Variants in MET observed in about 807,000 individuals in gnomAD.
MET encodes the protein MET proto-oncogene, receptor tyrosine kinase, also known as hepatocyte growth factor receptor.
In MET, 48 loss-of-function variants were observed where a neutral mutation model predicts 133.1. That is an observed-to-expected ratio of 0.36 (90% CI 0.29 to 0.46). The LOEUF (loss-of-function observed/expected upper bound fraction) is 0.46. Among genes scored for constraint, MET ranks in the 20% least tolerant of loss-of-function variants. The pLI is 1.00. For missense variants in MET, 1,442 were observed against 1,695.9 expected (o/e 0.85, Z 2.63); for synonymous variants, 628 against 616.5 (o/e 1.02, Z -0.28).
At chr7:116,710,512 G>A (rs1791954707) in intron 2 of MET, among the ~76,000 whole-genome samples, 1 of 152,014 alleles carries the variant, frequency 6.6e-6, no homozygotes, top group South Asian at 2.1e-4. Context: ...ACATTTTTTA[G>A]GCTGAGTAGG....
chr7:116,757,955 C>A, intron 8 of MET, 181 bp downstream of exon 8: 2 of 668,930 alleles, frequency 3.0e-6, no homozygotes, highest in Non-Finnish European at 5.0e-6. Flanking sequence ...GCTGATTTTT[C>A]TTCCTTTCTC....
At chr7:116,680,411 A>G (rs1339694523) in intron 1 of MET, among the ~76,000 whole-genome samples, 2 of 152,244 alleles carry the variant, frequency 1.3e-5, no homozygotes, top group South Asian at 2.1e-4. Context: ...AGTTGGGAAA[A>G]TGTAGTTCAA....
rs1240062915 is a variant in MET at position 116,777,475 on chromosome 7, T to C, written c.3340+6T>C. On this transcript the variant is annotated splice_donor_region_variant and intron_variant, in intron 16 of 20. Transcript: ENST00000397752. ...TGCTGTGAAATCCTTGAACAGTAAG[T>C]GGCATTTTATTTAACCATGGAGTAT... 2 of 1,613,398 alleles carry C rather than the reference T, an allele frequency of 1.2e-6. No homozygotes were observed. The highest frequency in any genetic ancestry group is 1.7e-6 in the Non-Finnish European group (2 of 1,179,456).
At chr7:116,743,191 A>G (rs12533223) in intron 5 of MET, among the ~76,000 whole-genome samples, 11,036 of 152,246 alleles carry the variant, frequency 0.072, 641 homozygotes, top group African/African-American at 0.15. Context: ...GTGAGGAACA[A>G]TGCATTCCGG....
At chr7:116,681,054 A>G (rs1796340135) in intron 1 of MET, among the ~76,000 whole-genome samples, 1 of 152,140 alleles carries the variant, frequency 6.6e-6, no homozygotes, top group Admixed American at 6.5e-5. Flanking sequence ...TTGCTTTACA[A>G]AGTCTAAATT....
intron 5 of MET, among the ~76,000 whole-genome samples, chr7:116,753,990 C>T (rs976611328): frequency 2.6e-5 from 4 of 152,108 alleles, no homozygotes; most frequent in Non-Finnish European, 4.4e-5. Context: ...TAAAAATTAG[C>T]TGGGTGAGGT....
chr7:116,764,126 TC>T (rs1161887725), intron 11 of MET, among the ~76,000 whole-genome samples: 97 of 152,336 alleles, frequency 6.4e-4, no homozygotes, highest in African/African-American at 2.2e-3. Context: ...TCATGGGTCA[TC>T]TCCATCTAAG....
chr7:116,697,544 A>T (rs2014578826), intron 1 of MET, among the ~76,000 whole-genome samples: 1 of 152,196 alleles, frequency 6.6e-6, no homozygotes, highest in African/African-American at 2.4e-5. Flanking sequence ...TTGGAGTCAA[A>T]AAATTTTGGA....
chr7:116,777,810 T>C (rs1225961153), intron 16 of MET, among the ~76,000 whole-genome samples: 1 of 152,244 alleles, frequency 6.6e-6, no homozygotes. Context: ...ACAGTAGTAA[T>C]GACTCATTTT....
rs1406817029 is a variant in MET at position 116,796,941 on chromosome 7, T to C, written c.*817T>C. The stretch of plus-strand genomic sequence containing the variant: ...GCCCTTATAAATTTTTGTATAGACA[T>C]TCCTTTGGTTGGAAGAATATTTATA... On this transcript the variant is annotated 3_prime_UTR_variant, in exon 21 of 21. Transcript: ENST00000397752. 2.2e-5 allele frequency: 4 copies of C among 178,898 alleles called. No homozygotes were observed. The highest frequency in any genetic ancestry group is 4.8e-5 in the Non-Finnish European group (4 of 83,086). 11.1% of individuals were successfully genotyped at this position (178,898 alleles called of 1,614,324 possible). A position where few individuals can be genotyped will look rare whatever the true frequency, so the allele number is the denominator to read the frequency against.
intron 11 of MET, among the ~76,000 whole-genome samples, chr7:116,769,393 C>G (rs1412427532): frequency 6.6e-6 from 1 of 152,126 alleles, no homozygotes; most frequent in South Asian, 2.1e-4. Context: ...GAAGCAAGAA[C>G]CTCTTTCCTT....
At chr7:116,745,934 T>A (rs1793659630) in intron 5 of MET, among the ~76,000 whole-genome samples, 3 of 152,068 alleles carry the variant, frequency 2.0e-5, no homozygotes. Context: ...ACAAATGGGA[T>A]CTAATTAAAC....
intron 2 of MET, among the ~76,000 whole-genome samples, chr7:116,703,657 TACATATAAGGGA>T (rs1791665087): frequency 6.6e-6 from 1 of 152,100 alleles, no homozygotes; most frequent in Non-Finnish European, 1.5e-5. Flanking sequence ...AACAGTCTTT[TACATATAAGGGA>T]TTGATTAATG....
At chr7:116,789,807 G>A (rs979905219) in intron 19 of MET, among the ~76,000 whole-genome samples, 2 of 152,038 alleles carry the variant, frequency 1.3e-5, no homozygotes, top group South Asian at 2.1e-4. Context: ...CCATCTGAAC[G>A]ATTTTTATTT....
At chr7:116,725,113 G>T (rs144526050) in intron 2 of MET, among the ~76,000 whole-genome samples, 1,907 of 152,206 alleles carry the variant, frequency 0.013, 30 homozygotes, top group Non-Finnish European at 0.014. Flanking sequence ...GAAGTATGAT[G>T]TAATGTAAGG....
intron 10 of MET, among the ~76,000 whole-genome samples, chr7:116,762,220 T>A (rs1470927368): frequency 2.0e-5 from 3 of 152,232 alleles, no homozygotes. Flanking sequence ...GTATAAAATA[T>A]GTCATAGACA....
At chr7:116,698,968 A>C in intron 1 of MET, 103 bp from the exon 2 acceptor site, 1 of 1,526,566 alleles carries the variant, frequency 6.6e-7, no homozygotes, top group Non-Finnish European at 8.9e-7. Flanking sequence ...GTAAAAGTCC[A>C]GTTGGGAAGC....
chr7:116,743,221 T>C (rs1342203050), intron 5 of MET, among the ~76,000 whole-genome samples: 1 of 152,236 alleles, frequency 6.6e-6, no homozygotes, highest in Non-Finnish European at 1.5e-5. Flanking sequence ...TACACTTCCC[T>C]ATGGTTTTGG....
At chr7:116,767,974 ATGTGTGTGTG>A (rs36013546) in intron 11 of MET, among the ~76,000 whole-genome samples, 8 of 140,240 alleles carry the variant, frequency 5.7e-5, no homozygotes, top group African/African-American at 8.0e-5. Flanking sequence ...ATATATATAT[ATGTGTGTGTG>A]TGTGTGTGTG....
Sources: gnomAD v4.1 joint callset for allele counts (sites outside exome capture counted in the v4.1 genomes callset) on GRCh38, gnomAD v4.1.1 for gene constraint, MANE v1.5 for transcripts, NCBI Gene and HGNC (gene_info 2026-07-23, HGNC 2026-07-21) for gene names.